ANKIB1: variants seen among roughly 807,000 people sequenced by gnomAD.
ANKIB1 encodes ankyrin repeat and IBR domain containing 1.
ANKIB1 carries 43 observed loss-of-function variants against 122.1 expected under a neutral mutation model. That is an observed-to-expected ratio of 0.35 (90% CI 0.28 to 0.45). ANKIB1 has a LOEUF of 0.45. Ranked by LOEUF, ANKIB1 falls within the 20% of genes least tolerant of loss-of-function variation. The pLI is 1.00. For synonymous variants in ANKIB1, 390 were observed against 442.0 expected (o/e 0.88, Z 1.48); for missense variants, 992 against 1,329.5 (o/e 0.75, Z 3.95).
At chr7:92,316,247 G>A (rs1802792063) in intron 3 of ANKIB1, among the ~76,000 whole-genome samples, 1 of 152,076 alleles carries the variant, frequency 6.6e-6, no homozygotes, top group Admixed American at 6.6e-5. Flanking sequence ...TTTGGTTGAA[G>A]CATTTAAAAA....
intron 1 of ANKIB1, among the ~76,000 whole-genome samples, chr7:92,271,304 C>G (rs779344754): frequency 6.7e-4 from 102 of 152,134 alleles, no homozygotes; most frequent in Non-Finnish European, 1.2e-3. Flanking sequence ...GAATTCTTTT[C>G]TGTTGTATGA....
chr7:92,336,339 C>T (rs936318403), intron 5 of ANKIB1, among the ~76,000 whole-genome samples: 1 of 151,600 alleles, frequency 6.6e-6, no homozygotes, highest in African/African-American at 2.4e-5. Flanking sequence ...TTTTTTATGG[C>T]TTTCATTTAT....
intron 1 of ANKIB1, among the ~76,000 whole-genome samples, chr7:92,266,732 C>T (rs1801678798): frequency 2.0e-5 from 3 of 152,168 alleles, no homozygotes; most frequent in African/African-American, 7.2e-5. Flanking sequence ...GCTTAGAAGC[C>T]ATCCCCCAGG....
intron 11 of ANKIB1, among the ~76,000 whole-genome samples, chr7:92,381,274 C>G (rs983451337): frequency 4.6e-5 from 7 of 152,132 alleles, no homozygotes; most frequent in Non-Finnish European, 7.4e-5. Context: ...ATTGGTGTAC[C>G]TGAAAGTGAC....
At chr7:92,398,190 G>C in intron 19 of ANKIB1, 22 bp from the exon 20 acceptor site, 1 of 1,545,284 alleles carries the variant, frequency 6.5e-7, no homozygotes, top group Non-Finnish European at 8.7e-7. Context: ...TTTTAAAGTG[G>C]TTTTGCTTTC....
At chr7:92,264,458 C>T (rs940120340) in intron 1 of ANKIB1, among the ~76,000 whole-genome samples, 1 of 151,810 alleles carries the variant, frequency 6.6e-6, no homozygotes. Context: ...AGTGCAGTGG[C>T]GTGTTGTCGG....
intron 7 of ANKIB1, among the ~76,000 whole-genome samples, chr7:92,346,950 C>T (rs901923964): frequency 1.4e-4 from 21 of 152,212 alleles, no homozygotes; most frequent in Admixed American, 1.4e-3. Context: ...CTCCTTTCCA[C>T]CCCTTCCAAT....
intron 19 of ANKIB1, 117 bp from the exon 20 acceptor site, chr7:92,398,095 T>C (rs577914909): frequency 8.4e-7 from 1 of 1,191,906 alleles, no homozygotes; most frequent in Admixed American, 3.5e-5. Context: ...ATAAAATAAT[T>C]TTTCTGTATA....
chr7:92,301,692 A>T (rs1379835246), intron 2 of ANKIB1, among the ~76,000 whole-genome samples: 3 of 152,210 alleles, frequency 2.0e-5, no homozygotes, highest in Admixed American at 2.0e-4. Context: ...TGGAATAAGA[A>T]ATTAACTTTC....
intron 11 of ANKIB1, among the ~76,000 whole-genome samples, chr7:92,375,871 A>G (rs1804368053): frequency 6.6e-6 from 1 of 152,260 alleles, no homozygotes; most frequent in African/African-American, 2.4e-5. Flanking sequence ...TGAAAGTCAA[A>G]ATGACCGCTT....
chr7:92,380,100 C>T (rs1804477028), intron 11 of ANKIB1, among the ~76,000 whole-genome samples: 1 of 152,226 alleles, frequency 6.6e-6, no homozygotes, highest in African/African-American at 2.4e-5. Flanking sequence ...TTATATCCCA[C>T]ACCTGGCTCA....
chr7:92,327,116 A>G (rs1425181390), intron 4 of ANKIB1, among the ~76,000 whole-genome samples: 2 of 152,252 alleles, frequency 1.3e-5, no homozygotes, highest in Non-Finnish European at 2.9e-5. Flanking sequence ...TGGTGGAATT[A>G]TAGGTTTTTA....
At chr7:92,287,797 A>G (rs371433521) in intron 1 of ANKIB1, among the ~76,000 whole-genome samples, 49 of 152,284 alleles carry the variant, frequency 3.2e-4, no homozygotes, top group African/African-American at 1.1e-3. Flanking sequence ...GCACTTTGGG[A>G]GGCCAGGGTG....
At chr7:92,264,234 G>C (rs1401727012) in intron 1 of ANKIB1, among the ~76,000 whole-genome samples, 1 of 150,102 alleles carries the variant, frequency 6.7e-6, no homozygotes, top group Non-Finnish European at 1.5e-5. Context: ...TGTAGCAGAG[G>C]GAAAACCTAA....
At chr7:92,323,482 T>C (rs944419644) in intron 4 of ANKIB1, among the ~76,000 whole-genome samples, 23 of 152,150 alleles carry the variant, frequency 1.5e-4, no homozygotes, top group African/African-American at 5.3e-4. Context: ...TTTTTTTCCT[T>C]TTTGTCTTCT....
chr7:92,259,882 T>C (rs1801524504), intron 1 of ANKIB1, among the ~76,000 whole-genome samples: 1 of 152,158 alleles, frequency 6.6e-6, no homozygotes, highest in African/African-American at 2.4e-5. Flanking sequence ...TCAGCAATTT[T>C]TTTGGTTCTT....
At chr7:92,355,846 CTCATAA>C (rs1803793161) in intron 9 of ANKIB1, among the ~76,000 whole-genome samples, 1 of 115,830 alleles carries the variant, frequency 8.6e-6, no homozygotes, top group African/African-American at 3.4e-5. Flanking sequence ...GAGACTCCGT[CTCATAA>C]TAATAATAAT....
At chr7:92,256,143 G>A (rs189082959) in intron 1 of ANKIB1, among the ~76,000 whole-genome samples, 17 of 152,284 alleles carry the variant, frequency 1.1e-4, no homozygotes, top group Admixed American at 3.3e-4. Flanking sequence ...AGGAGTTACC[G>A]TTTTCAGGAG....
At position 92,400,409 on chromosome 7, in the gene ANKIB1, A is replaced by G. The variant is rs1288870044; in HGVS notation, c.*1460A>G. 6.6e-6 allele frequency: 1 copy of G among 152,236 alleles called. No homozygotes were observed. The highest frequency in any genetic ancestry group is 6.5e-5 in the Admixed American group (1 of 15,282). 9.4% of individuals were successfully genotyped at this position (152,236 alleles called of 1,614,324 possible). A position where few individuals can be genotyped will look rare whatever the true frequency, so the allele number is the denominator to read the frequency against. ...TTACTTAAATATTATCAAAACTAGC[A>G]TAACATAAGCAAAATAGATAAGTAC... is the stretch of plus-strand genomic sequence containing the variant. On this transcript the variant is annotated 3_prime_UTR_variant, in exon 20 of 20. Coordinates refer to ENST00000265742, the MANE Select transcript of ANKIB1 (RefSeq NM_019004.2).
Sources: gnomAD v4.1 joint callset for allele counts (sites outside exome capture counted in the v4.1 genomes callset) on GRCh38, gnomAD v4.1.1 for gene constraint, MANE v1.5 for transcripts, NCBI Gene and HGNC (gene_info 2026-07-23, HGNC 2026-07-21) for gene names.